Variants in EXD3 observed in about 807,000 individuals in gnomAD.
The protein encoded by EXD3 is exonuclease mut-7 homolog.
A neutral mutation model predicts 98.0 loss-of-function variants in EXD3; 92 were observed. The observed-to-expected ratio is 0.94, with a 90% CI of 0.79 to 1.12. EXD3 has a LOEUF of 1.12. EXD3 is among the 50% of genes most tolerant of loss of function. The pLI is 0.00. For synonymous variants in EXD3, 569 were observed against 526.0 expected (o/e 1.08, Z -1.12); for missense variants, 1,222 against 1,191.6 (o/e 1.03, Z -0.38).
rs1406648440 is a variant in EXD3 at position 137,372,887 on chromosome 9, G to A, written c.462+18C>T. 6.3e-7 allele frequency: 1 copy of A among 1,596,664 alleles called. No individual in the cohort carries two copies. The highest frequency in any genetic ancestry group is 1.1e-5 in the South Asian group (1 of 90,972). On this transcript the variant is annotated intron_variant, in intron 5 of 21. Coordinates refer to ENST00000340951, the MANE Select transcript of EXD3 (RefSeq NM_017820.5). ...GAGAAGCCGTTTCCCCATGAGCCCG[G>A]CCACGTGGGCCACTCACTTCTCTGA...
chr9:137,345,867 C>T (rs1034603985), intron 17 of EXD3: 3 of 151,930 alleles, frequency 2.0e-5, no homozygotes, highest in Non-Finnish European at 4.4e-5. Context: ...CCGACATAAA[C>T]AGACAATCCT....
At chr9:137,321,098 G>C (rs1832009540) in intron 19 of EXD3, among the ~76,000 whole-genome samples, 1 of 152,256 alleles carries the variant, frequency 6.6e-6, no homozygotes, top group South Asian at 2.1e-4. Flanking sequence ...CCAGGGGCCT[G>C]TGTGTACAGG....
At position 137,348,080 on chromosome 9, in the gene EXD3, C is replaced by T; in HGVS notation, c.1989G>A (p.Arg663=). ...CTCCCCGCAAACTCACCTCGGCCGC[C>T]CTGCGGTGGTCTTCACCATTGCCCA... ...RMLGNGEDHR[R]AAEVARQEGR... Residue 663 remains arginine (R), a synonymous_variant, in exon 17 of 22, where the codon AGG becomes AGA. Coordinates refer to ENST00000340951, the MANE Select transcript of EXD3 (RefSeq NM_017820.5). 1 of 1,610,992 alleles carries T rather than the reference C, an allele frequency of 6.2e-7. No individual in the cohort carries two copies. The highest frequency in any genetic ancestry group is 8.5e-7 in the Non-Finnish European group (1 of 1,179,574).
At chr9:137,376,115 C>A (rs149259014) in intron 3 of EXD3, among the ~76,000 whole-genome samples, 1 of 151,820 alleles carries the variant, frequency 6.6e-6, no homozygotes, top group Admixed American at 6.6e-5. Context: ...GAGGCTGAGG[C>A]GGGCAGATCA....
rs1836519321 is a variant in EXD3 at position 137,385,117 on chromosome 9, C to T, written c.56-1740G>A. Among the ~76,000 whole-genome samples the T allele has an allele frequency of 2.6e-5, 4 of 152,152 alleles. No homozygotes were observed. Among genetic ancestry groups the T allele is most frequent in the Admixed American group, 1.3e-4 (2 of 15,278 alleles). ...AGACAAAAACCAAAAAACCATAAAA[C>T]ACCGTGGGGCGCCCAGGCTCCACCA... On this transcript the variant is annotated intron_variant, in intron 2 of 21. Transcript: ENST00000340951. The surrounding 1 kb of genome is among the most constrained non-coding windows in gnomAD (Gnocchi z 4.4).
chr9:137,372,554 A>AATAG, intron 5 of EXD3, among the ~76,000 whole-genome samples: 1 of 152,336 alleles, frequency 6.6e-6, no homozygotes, highest in Non-Finnish European at 1.5e-5. Context: ...CGCAGAGGCT[A>AATAG]ACAGACATGG....
chr9:137,390,612 G>A (rs535522901), intron 2 of EXD3, among the ~76,000 whole-genome samples: 44 of 152,280 alleles, frequency 2.9e-4, no homozygotes, highest in Admixed American at 7.8e-4. Flanking sequence ...AGCGTGGCCC[G>A]GTCACACAGT....
At chr9:137,351,600 C>T in intron 12 of EXD3, 72 bp from the exon 13 acceptor site, 3 of 1,378,784 alleles carry the variant, frequency 2.2e-6, no homozygotes, top group Admixed American at 4.1e-5. Context: ...CCTGGAGGTC[C>T]TGAGCAGCTC....
At chr9:137,366,944 G>A (rs1835289319) in intron 6 of EXD3, among the ~76,000 whole-genome samples, 1 of 152,250 alleles carries the variant, frequency 6.6e-6, no homozygotes, top group South Asian at 2.1e-4. Context: ...CAGTAGCCCT[G>A]GTAGTCCGGA....
intron 10 of EXD3, chr9:137,353,606 A>G: frequency 2.0e-6 from 2 of 985,746 alleles, no homozygotes. Context: ...CCCCGCAGCC[A>G]CCGTGGCAGC....
intron 9 of EXD3, 26 bp downstream of exon 9, chr9:137,354,674 C>T: frequency 6.2e-7 from 1 of 1,609,430 alleles, no homozygotes; most frequent in South Asian, 1.1e-5. Context: ...GCTGGCTGCC[C>T]CCAGGACCCC....
intron 12 of EXD3, 106 bp from the exon 13 acceptor site, chr9:137,351,634 C>A: frequency 9.7e-7 from 1 of 1,030,826 alleles, no homozygotes; most frequent in Non-Finnish European, 1.4e-6. Context: ...TTCGGGGAGA[C>A]GCCCCTGCAC....
At chr9:137,318,303 G>A (rs528103101) in intron 19 of EXD3, among the ~76,000 whole-genome samples, 1 of 152,136 alleles carries the variant, frequency 6.6e-6, no homozygotes, top group South Asian at 2.1e-4. Context: ...GCGCCCATGA[G>A]CTGGGCCCCG....
At chr9:137,332,451 G>A (rs985371426) in intron 17 of EXD3, among the ~76,000 whole-genome samples, 4 of 151,456 alleles carry the variant, frequency 2.6e-5, no homozygotes, top group African/African-American at 9.7e-5. Context: ...ACCGGGCATG[G>A]TAGTGGGCAC....
In EXD3 at chr9:137,317,764, C is replaced by A. The variant is rs199880118; in HGVS notation, c.2184+5961G>T. Among the ~76,000 whole-genome samples the A allele has an allele frequency of 5.3e-5, 8 of 152,260 alleles. No individual in the cohort carries two copies. The East Asian group carries it at 1.5e-3, about 29-fold the overall frequency. On this transcript the variant is annotated intron_variant, in intron 19 of 21. Coordinates refer to ENST00000340951, the MANE Select transcript of EXD3 (RefSeq NM_017820.5). ...AGGTGCCATCACTCCCTCTTTGTCC[C>A]CAGCCTGGGTGTCGTGCTAGGCCCA...
intron 19 of EXD3, among the ~76,000 whole-genome samples, chr9:137,318,093 G>A (rs1831796335): frequency 6.6e-6 from 1 of 152,152 alleles, no homozygotes; most frequent in Non-Finnish European, 1.5e-5. Context: ...CGGCACTGGG[G>A]CCCCCAGGCT....
In EXD3 at chr9:137,337,461, G is replaced by T. The variant is rs145266716; in HGVS notation, c.1998+10610C>A. Among the ~76,000 whole-genome samples, 1,351 of 152,176 alleles carry T rather than the reference G, an allele frequency of 8.9e-3. 28 individuals carry two copies. The highest frequency in any genetic ancestry group is 0.031 in the African/African-American group (1,282 of 41,526). On this transcript the variant is annotated intron_variant, in intron 17 of 21. Coordinates refer to ENST00000340951, the MANE Select transcript of EXD3 (RefSeq NM_017820.5). ...AGGTCAGGAGTTCCAGACCAGCCTG[G>T]CCAATATGGTGAAACCCTATCTCTA...
intron 17 of EXD3, among the ~76,000 whole-genome samples, chr9:137,338,034 G>A (rs920004988): frequency 1.7e-4 from 26 of 152,140 alleles, no homozygotes; most frequent in Non-Finnish European, 2.2e-4. Flanking sequence ...TGATCTGCCC[G>A]CCTCGGCCTC....
At chr9:137,354,666 T>A in intron 9 of EXD3, 34 bp downstream of exon 9, 1 of 1,608,644 alleles carries the variant, frequency 6.2e-7, no homozygotes, top group Non-Finnish European at 8.5e-7. Flanking sequence ...AGGCCGCGGC[T>A]GGCTGCCCCC....
Sources: allele counts gnomAD v4.1 joint callset (sites outside exome capture counted in the v4.1 genomes callset), GRCh38; gene constraint gnomAD v4.1.1; non-coding constraint Gnocchi (gnomAD v3.1); transcripts MANE v1.5; gene names NCBI Gene and HGNC (gene_info 2026-07-23, HGNC 2026-07-21).